CPLX2: variants seen among roughly 807,000 people sequenced by gnomAD.
CPLX2 encodes the protein complexin-2.
Under a neutral mutation model 16.3 loss-of-function variants are expected in CPLX2, and 5 were observed. The ratio of observed to expected loss-of-function variants is 0.31; its 90% CI spans 0.16 to 0.64. The LOEUF (loss-of-function observed/expected upper bound fraction) is 0.64. CPLX2 is among the 30% of genes least tolerant of loss of function. The pLI, the probability that CPLX2 is intolerant of heterozygous loss-of-function variation, is 0.79. For missense variants in CPLX2, 144 were observed against 181.4 expected (o/e 0.79, Z 1.18); for synonymous variants, 89 against 73.2 (o/e 1.22, Z -1.10).
At chr5:175,816,590 C>T (rs911298535) in intron 2 of CPLX2, among the ~76,000 whole-genome samples, 3 of 152,232 alleles carry the variant, frequency 2.0e-5, no homozygotes, top group Non-Finnish European at 4.4e-5. Context: ...ACTGAGTTCA[C>T]GTTCTTGCAG....
At chr5:175,851,202 G>A (rs922029205) in intron 2 of CPLX2, among the ~76,000 whole-genome samples, 5 of 152,096 alleles carry the variant, frequency 3.3e-5, no homozygotes, top group African/African-American at 1.2e-4. Flanking sequence ...AGGTTGAAAG[G>A]TGGCCCCCTT....
At chr5:175,844,298 CAAG>C (rs1039266864) in intron 2 of CPLX2, among the ~76,000 whole-genome samples, 1 of 152,210 alleles carries the variant, frequency 6.6e-6, no homozygotes, top group African/African-American at 2.4e-5. Flanking sequence ...CCCAGAAAGG[CAAG>C]AAGTTTCTGT....
intron 1 of CPLX2, among the ~76,000 whole-genome samples, chr5:175,804,740 C>T (rs982796753): frequency 6.6e-6 from 1 of 152,186 alleles, no homozygotes; most frequent in African/African-American, 2.4e-5. Context: ...GATTGACACA[C>T]ACGTTTAAGT....
chr5:175,812,278 C>T (rs982397801), intron 2 of CPLX2, among the ~76,000 whole-genome samples: 1 of 152,236 alleles, frequency 6.6e-6, no homozygotes, highest in Non-Finnish European at 1.5e-5. Context: ...CCACAGAATG[C>T]AGCCAGCACC....
upstream of CPLX2, among the ~76,000 whole-genome samples, chr5:175,869,662 C>T (rs115880524): frequency 1.6e-4 from 24 of 152,306 alleles, no homozygotes; most frequent in Non-Finnish European, 2.9e-4. Context: ...AGGGTTAATG[C>T]CCCCTCCGTG....
intron 1 of CPLX2, among the ~76,000 whole-genome samples, chr5:175,797,712 G>A (rs1215966984): frequency 6.6e-6 from 1 of 152,108 alleles, no homozygotes; most frequent in Admixed American, 6.6e-5. Flanking sequence ...CTCACTCCCC[G>A]GGTTCCGCCC....
intron 1 of CPLX2, among the ~76,000 whole-genome samples, chr5:175,875,461 C>T (rs1437606656): frequency 6.6e-6 from 1 of 152,174 alleles, no homozygotes; most frequent in East Asian, 1.9e-4. Context: ...TTACTGAGCA[C>T]CCAGCATGTG....
At chr5:175,855,591 C>A (rs560971685) in intron 2 of CPLX2, among the ~76,000 whole-genome samples, 16 of 152,336 alleles carry the variant, frequency 1.1e-4, no homozygotes, top group African/African-American at 3.6e-4. Context: ...TCTATCAGCA[C>A]CTCTTCTGGC....
intron 2 of CPLX2, among the ~76,000 whole-genome samples, chr5:175,814,954 C>T (rs17762082): frequency 0.05 from 7,678 of 152,230 alleles, 349 homozygotes; most frequent in South Asian, 0.2. Flanking sequence ...GGACTGCTTC[C>T]GAGATTGAAC....
rs141299863 is a variant in CPLX2 at position 175,858,997 on chromosome 5, C to T, written c.-88-19655C>T. On this transcript the variant is annotated intron_variant, in intron 2 of 4. Coordinates refer to the CPLX2 transcript ENST00000359546. Reference sequence around the variant, plus strand: ...CTCCCTCTTGCTACCAGAGAAGCCACGTGATCTGATGGCATCACAAGACGA... The same window carrying T: ...CTCCCTCTTGCTACCAGAGAAGCCATGTGATCTGATGGCATCACAAGACGA... Among the ~76,000 whole-genome samples, 180 of 152,330 alleles carry T rather than the reference C, an allele frequency of 1.2e-3. 3 individuals carry two copies. Among genetic ancestry groups the T allele is most frequent in the African/African-American group, 4.0e-3 (166 of 41,578 alleles).
chr5:175,875,052 T>C (rs1759726086), intron 1 of CPLX2, among the ~76,000 whole-genome samples: 1 of 152,202 alleles, frequency 6.6e-6, no homozygotes, highest in Non-Finnish European at 1.5e-5. Context: ...CTCTTGAATC[T>C]GGCAATGGGA....
chr5:175,838,895 T>A (rs1283126545), intron 2 of CPLX2, among the ~76,000 whole-genome samples: 1 of 152,190 alleles, frequency 6.6e-6, no homozygotes. Context: ...TTCAGGGAGA[T>A]GACTTGGAGT....
At chr5:175,796,967 C>CCTCGGGCTT (rs1430221708) in intron 1 of CPLX2, among the ~76,000 whole-genome samples, 1 of 152,214 alleles carries the variant, frequency 6.6e-6, no homozygotes, top group Non-Finnish European at 1.5e-5. Context: ...GCAGAGGGCG[C>CCTCGGGCTT]CTCGGGCTTC....
In CPLX2 at chr5:175,807,120, C is replaced by T. The variant is rs116481735; in HGVS notation, c.-168-1869C>T. ...GCAAGTGCGTGCTCAACGGGCCCCTCGCCTGCACAGGAGAATGACTAGTGT... is the reference window on the plus strand; with the variant it reads ...GCAAGTGCGTGCTCAACGGGCCCCTTGCCTGCACAGGAGAATGACTAGTGT... On this transcript the variant is annotated intron_variant, in intron 1 of 4. Transcript: ENST00000359546. Among the ~76,000 whole-genome samples the T allele has an allele frequency of 8.5e-5, 13 of 152,268 alleles. No homozygotes were observed. In the South Asian group the frequency reaches 1.9e-3, roughly 22 times the overall value.
intron 2 of CPLX2, among the ~76,000 whole-genome samples, chr5:175,846,953 G>A (rs987154047): frequency 3.3e-5 from 5 of 152,318 alleles, no homozygotes; most frequent in African/African-American, 9.6e-5. Flanking sequence ...CCTTGGGCAC[G>A]TTGATCAAGC....
intron 1 of CPLX2, among the ~76,000 whole-genome samples, chr5:175,803,042 G>T (rs1242738563): frequency 3.9e-5 from 6 of 152,166 alleles, no homozygotes; most frequent in Non-Finnish European, 7.3e-5. Context: ...GTGTTGGCCA[G>T]GTTGGTCTCG....
chr5:175,865,047 C>T (rs1166257921), intron 2 of CPLX2, among the ~76,000 whole-genome samples: 3 of 150,816 alleles, frequency 2.0e-5, no homozygotes, highest in Non-Finnish European at 4.4e-5. Flanking sequence ...CTTCATCCAA[C>T]CCTCCCCCAA....
rs1217258172 is a variant in CPLX2 at position 175,878,752 on chromosome 5, A to G, written c.13A>G (p.Met5Val). 4 of 1,613,520 alleles carry G rather than the reference A, an allele frequency of 2.5e-6. No individual in the cohort carries two copies. The highest frequency in any genetic ancestry group is 3.4e-6 in the Non-Finnish European group (4 of 1,179,922). Residue 5 changes from methionine to valine, a missense_variant, in exon 2 of 4, where the codon ATG (methionine) becomes GTG (valine). Met to Val is a conservative substitution (Grantham distance 21). Transcript: ENST00000393745. MDFV[M>V]KQALGGATKD... ...CAGAGCCGGCGGCATGGACTTCGTC[A>G]TGAAGCAGGCCCTTGGAGGTGAGGT... is the stretch of plus-strand genomic sequence containing the variant.
rs1316476695 is a variant in CPLX2 at position 175,872,517 on chromosome 5, G to T, written c.-89+812G>T. ...GAGATCCAGGACAGAGCTGCTGGGGGTGTGGGTCTCCGCGGGGGTCCGGGA... is the reference window on the plus strand; with the variant it reads ...GAGATCCAGGACAGAGCTGCTGGGGTTGTGGGTCTCCGCGGGGGTCCGGGA... On this transcript the variant is annotated intron_variant, in intron 1 of 3. Transcript: ENST00000393745. This position sits in a 1 kb window ranked among gnomAD's most constrained non-coding sequence, Gnocchi z 5.0. Among the ~76,000 whole-genome samples the T allele has an allele frequency of 1.3e-5, 2 of 152,132 alleles. No homozygotes were observed. The highest frequency in any genetic ancestry group is 2.9e-5 in the Non-Finnish European group (2 of 68,006).
Sources: allele counts gnomAD v4.1 joint callset (sites outside exome capture counted in the v4.1 genomes callset), GRCh38; gene constraint gnomAD v4.1.1; non-coding constraint Gnocchi (gnomAD v3.1); transcripts MANE v1.5; gene names NCBI Gene and HGNC (gene_info 2026-07-23, HGNC 2026-07-21).